Variants in KCTD8 observed in about 807,000 individuals in gnomAD.
KCTD8 encodes BTB/POZ domain-containing protein KCTD8.
In KCTD8, 27 loss-of-function variants were observed where a neutral mutation model predicts 31.5. The observed-to-expected ratio is 0.86, with a 90% CI of 0.63 to 1.18. KCTD8 has a LOEUF of 1.18. KCTD8 is among the 50% of genes most tolerant of loss of function. The pLI, the probability that KCTD8 is intolerant of heterozygous loss-of-function variation, is 0.00. For missense variants in KCTD8, 658 were observed against 647.7 expected (o/e 1.02, Z -0.17); for synonymous variants, 290 against 280.0 (o/e 1.04, Z -0.36).
chr4:44,396,532 CTT>C (rs1272597847), intron 1 of KCTD8, among the ~76,000 whole-genome samples: 1 of 151,606 alleles, frequency 6.6e-6, no homozygotes, highest in Non-Finnish European at 1.5e-5. Context: ...GGTCAGAAAA[CTT>C]TAAAACAACT....
At chr4:44,276,560 C>T (rs922550639) in intron 1 of KCTD8, among the ~76,000 whole-genome samples, 4 of 151,692 alleles carry the variant, frequency 2.6e-5, no homozygotes, top group African/African-American at 9.7e-5. Context: ...ATAATAATGG[C>T]ACAATAATTA....
intron 1 of KCTD8, among the ~76,000 whole-genome samples, chr4:44,444,735 T>C (rs1721896204): frequency 6.6e-6 from 1 of 151,342 alleles, no homozygotes; most frequent in Non-Finnish European, 1.5e-5. Context: ...CTGGGATTAC[T>C]GAACCATTTG....
At chr4:44,331,816 A>G (rs1293342776) in intron 1 of KCTD8, among the ~76,000 whole-genome samples, 1 of 149,486 alleles carries the variant, frequency 6.7e-6, no homozygotes, top group Non-Finnish European at 1.5e-5. Flanking sequence ...ATATATATAA[A>G]TTCATATATA....
intron 1 of KCTD8, among the ~76,000 whole-genome samples, chr4:44,419,768 C>T (rs10938340): frequency 0.38 from 58,237 of 151,468 alleles, 12,051 homozygotes; most frequent in South Asian, 0.52. Flanking sequence ...AGTTGATGGG[C>T]GCAGCAAATC....
intron 1 of KCTD8, among the ~76,000 whole-genome samples, chr4:44,403,715 G>T (rs1043143212): frequency 1.3e-5 from 2 of 151,950 alleles, no homozygotes; most frequent in African/African-American, 4.8e-5. Flanking sequence ...TCTCTTAAAG[G>T]TCCCATCTCC....
chr4:44,287,314 C>T (rs1577594540), intron 1 of KCTD8, among the ~76,000 whole-genome samples: 1 of 152,068 alleles, frequency 6.6e-6, no homozygotes, highest in Non-Finnish European at 1.5e-5. Flanking sequence ...TTCATACATA[C>T]AATACTGTTT....
chr4:44,303,702 G>C (rs1717710464), intron 1 of KCTD8, among the ~76,000 whole-genome samples: 1 of 151,878 alleles, frequency 6.6e-6, no homozygotes, highest in South Asian at 2.1e-4. Flanking sequence ...TGTAGTCCCA[G>C]TTACTTAGGA....
chr4:44,444,966 G>A (rs1721905103), intron 1 of KCTD8, among the ~76,000 whole-genome samples: 1 of 152,066 alleles, frequency 6.6e-6, no homozygotes, highest in African/African-American at 2.4e-5. Flanking sequence ...GGGTGTCAAA[G>A]GGGGAAATAA....
At chr4:44,301,091 C>A (rs912776755) in intron 1 of KCTD8, among the ~76,000 whole-genome samples, 1 of 151,874 alleles carries the variant, frequency 6.6e-6, no homozygotes, top group Admixed American at 6.6e-5. Context: ...GTATATGTGC[C>A]ACATTTTCTT....
chr4:44,181,974 CG>C (rs1298251565), intron 1 of KCTD8, among the ~76,000 whole-genome samples: 3 of 144,750 alleles, frequency 2.1e-5, no homozygotes, highest in Non-Finnish European at 4.7e-5. Flanking sequence ...CCCCTCCGCC[CG>C]GCAGCCGCCC....
chr4:44,383,182 A>G (rs2109444111), intron 1 of KCTD8, among the ~76,000 whole-genome samples: 1 of 152,166 alleles, frequency 6.6e-6, no homozygotes, highest in Non-Finnish European at 1.5e-5. Context: ...GACACCAAAA[A>G]TGAAAGACAT....
chr4:44,421,327 T>A (rs1048732126), intron 1 of KCTD8, among the ~76,000 whole-genome samples: 51 of 152,124 alleles, frequency 3.4e-4, no homozygotes, highest in African/African-American at 1.2e-3. Flanking sequence ...CTGGAGTGTG[T>A]GCATCTCATT....
chr4:44,199,334 C>G (rs1714059559), intron 1 of KCTD8, among the ~76,000 whole-genome samples: 1 of 152,020 alleles, frequency 6.6e-6, no homozygotes, highest in East Asian at 1.9e-4. Flanking sequence ...TACCCCCAAC[C>G]CAAACCACAG....
At chr4:44,318,858 C>T (rs575196819) in intron 1 of KCTD8, among the ~76,000 whole-genome samples, 1 of 151,978 alleles carries the variant, frequency 6.6e-6, no homozygotes, top group Non-Finnish European at 1.5e-5. Flanking sequence ...GTGGAAGAAG[C>T]CTTGAGACAG....
At chr4:44,244,950 C>G (rs527617879) in intron 1 of KCTD8, among the ~76,000 whole-genome samples, 1 of 151,950 alleles carries the variant, frequency 6.6e-6, no homozygotes, top group Non-Finnish European at 1.5e-5. Flanking sequence ...TTGGCTGAAG[C>G]CTTTATGATG....
chr4:44,386,824 T>C (rs554401200), intron 1 of KCTD8, among the ~76,000 whole-genome samples: 1 of 151,700 alleles, frequency 6.6e-6, no homozygotes, highest in African/African-American at 2.4e-5. Flanking sequence ...CTATTCATAA[T>C]AGCCAAGATT....
intron 1 of KCTD8, among the ~76,000 whole-genome samples, chr4:44,348,869 C>T (rs1054641787): frequency 4.7e-5 from 7 of 148,904 alleles, no homozygotes; most frequent in Non-Finnish European, 1.1e-4. Flanking sequence ...TTGAAACTCT[C>T]CCCTGTCAGT....
intron 1 of KCTD8, among the ~76,000 whole-genome samples, chr4:44,363,856 T>C (rs865951389): frequency 1.3e-5 from 2 of 152,048 alleles, no homozygotes; most frequent in South Asian, 4.1e-4. Flanking sequence ...AAAAAACCAT[T>C]TGCGGTGCTT....
chr4:44,280,872 G>GT (rs1193694793), intron 1 of KCTD8, among the ~76,000 whole-genome samples: 2 of 152,060 alleles, frequency 1.3e-5, no homozygotes, highest in Non-Finnish European at 2.9e-5. Context: ...GAAAAAGTAA[G>GT]TACGAAGGTA....
Sources: gnomAD v4.1 joint callset for allele counts (sites outside exome capture counted in the v4.1 genomes callset) on GRCh38, gnomAD v4.1.1 for gene constraint, MANE v1.5 for transcripts, NCBI Gene and HGNC (gene_info 2026-07-23, HGNC 2026-07-21) for gene names.